EML3: variants seen among roughly 807,000 people sequenced by gnomAD.
The protein encoded by EML3 is echinoderm microtubule-associated protein-like 3.
A neutral mutation model predicts 106.7 loss-of-function variants in EML3; 53 were observed. The ratio of observed to expected loss-of-function variants is 0.50; its 90% CI spans 0.40 to 0.62. EML3 has a LOEUF of 0.62. Ranked by LOEUF, EML3 falls within the 20% of genes least tolerant of loss-of-function variation. EML3 has a pLI of 0.00. For synonymous variants in EML3, 499 were observed against 489.6 expected (o/e 1.02, Z -0.25); for missense variants, 994 against 1,209.1 (o/e 0.82, Z 2.64).
At chr11:62,608,415 G>GTT in intron 9 of EML3, 119 bp from the exon 10 acceptor site, 1 of 1,324,064 alleles carries the variant, frequency 7.6e-7, no homozygotes, top group Non-Finnish European at 1.1e-6. Flanking sequence ...GACACACATG[G>GTT]CCCTTTCTCA....
At chr11:62,603,023 G>GCC in intron 20 of EML3, 126 bp downstream of exon 20, 2 of 1,508,768 alleles carry the variant, frequency 1.3e-6, no homozygotes, top group Non-Finnish European at 1.8e-6. Context: ...GGTCCCGAGG[G>GCC]GCCTCCTGGG....
rs866158226 is a variant in EML3 at position 62,606,093 on chromosome 11, C to T, written c.1626G>A (p.Gly542=). Residue 542 remains glycine (G), a synonymous_variant, in exon 13 of 22, where the codon GGG becomes GGA. Transcript: ENST00000394773. ...GGRDRRLVQW[G]PGLVALQEAE... ...CCTCCTGGAGGGCCACCAACCCGGGCCCCCACTGTACCAGCCGGCGGTCCC... is the reference window on the plus strand; with the variant it reads ...CCTCCTGGAGGGCCACCAACCCGGGTCCCCACTGTACCAGCCGGCGGTCCC... The T allele has an allele frequency of 6.2e-7, 1 of 1,614,024 alleles. No individual in the cohort carries two copies. The highest frequency in any genetic ancestry group is 8.5e-7 in the Non-Finnish European group (1 of 1,180,030).
chr11:62,612,371 T>C lies in EML3; in HGVS notation c.22+65A>G, dbSNP rs1942875723. The C allele has an allele frequency of 4.8e-6, 7 of 1,468,194 alleles. No homozygotes were observed. In the Admixed American group the frequency reaches 1.3e-4, roughly 26 times the overall value. The allele number at this position is 1,468,194 out of a possible 1,614,324, so 90.9% of individuals were successfully genotyped here. On this transcript the variant is annotated intron_variant, in intron 1 of 21. Coordinates refer to ENST00000394773, the MANE Select transcript of EML3 (RefSeq NM_153265.3). The stretch of plus-strand genomic sequence containing the variant: ...ACGCCTCCAGACAGCCGTCCAGCTC[T>C]GGCATAACCCGACGAGCCGGGCGCT...
intron 6 of EML3, 107 bp from the exon 7 acceptor site, chr11:62,609,239 T>G: frequency 1.3e-6 from 2 of 1,563,150 alleles, no homozygotes; most frequent in Non-Finnish European, 1.7e-6. Flanking sequence ...AGAATGATGG[T>G]AGGAGAGGAT....
At chr11:62,611,049 C>G in intron 3 of EML3, 38 bp downstream of exon 3, 1 of 1,604,726 alleles carries the variant, frequency 6.2e-7, no homozygotes, top group Non-Finnish European at 8.5e-7. Context: ...ATCCTACCAC[C>G]CCTCCCAGCT....
At position 62,602,566 on chromosome 11, in the gene EML3, CA is replaced by C; in HGVS notation, c.2599del (p.Trp867GlyfsTer58). ...LGGKDASIFQWRVLGAGGAGP... is the reference protein window; with the variant it reads ...LGGKDASIFQXRVLGAGGAGP... ...CGCGCCCCCAGCGCCCAGCACTCGC[CA>C]CTGGAAGATGCTGGCGTCCTTGCCG... On this transcript the variant is annotated frameshift_variant, in exon 22 of 22. Transcript: ENST00000394773. LOFTEE classifies it high-confidence loss of function. 1 of 1,526,820 alleles carries C rather than the reference CA, an allele frequency of 6.5e-7. No individual in the cohort carries two copies. The highest frequency in any genetic ancestry group is 2.0e-5 in the Admixed American group (1 of 49,152). The allele number at this position is 1,526,820 out of a possible 1,614,324, so 94.6% of individuals were successfully genotyped here. A position where few individuals can be genotyped will look rare whatever the true frequency, so the allele number is the denominator to read the frequency against.
In EML3 at chr11:62,605,530, A is replaced by G. The variant is rs1269930826; in HGVS notation, c.1914+112T>C. ...TTTGAGTAGCCAGTGCAGCCATACC[A>G]GTACAAACTGGCCACCTCTGGGAGG... On this transcript the variant is annotated intron_variant, in intron 15 of 21. Coordinates refer to ENST00000394773, the MANE Select transcript of EML3 (RefSeq NM_153265.3). The surrounding 1 kb of genome is among the most constrained non-coding windows in gnomAD (Gnocchi z 5.2). 1 of 1,357,606 alleles carries G rather than the reference A, an allele frequency of 7.4e-7. No individual in the cohort carries two copies. The highest frequency in any genetic ancestry group is 9.9e-7 in the Non-Finnish European group (1 of 1,006,712). The allele number at this position is 1,357,606 out of a possible 1,614,324, so 84.1% of individuals were successfully genotyped here.
At chr11:62,610,489 G>C (rs549532920) in intron 4 of EML3, among the ~76,000 whole-genome samples, 14 of 152,202 alleles carry the variant, frequency 9.2e-5, no homozygotes, top group Non-Finnish European at 1.8e-4. Context: ...GAAGCTTCTA[G>C]AAAAGCCTCT....
At chr11:62,609,292 A>T in intron 6 of EML3, 62 bp downstream of exon 6, 1 of 1,540,304 alleles carries the variant, frequency 6.5e-7, no homozygotes, top group Non-Finnish European at 8.7e-7. Flanking sequence ...GGAAACTGTA[A>T]AGGTAAGAGG....
In EML3 at chr11:62,605,914, T is replaced by C. The variant is rs1225406930; in HGVS notation, c.1723A>G (p.Thr575Ala). 8 of 1,614,064 alleles carry C rather than the reference T, an allele frequency of 5.0e-6. No homozygotes were observed. The highest frequency in any genetic ancestry group is 5.9e-6 in the Non-Finnish European group (7 of 1,180,042). ...CCCCTCAGCAATGCATTCTTCGTGG[T>C]TCCCACCAGCAGCTCAGAGCCAAGC... Reference protein sequence around the residue: ...EGLGSELLVGTTKNALLRGDL... With the variant: ...EGLGSELLVGATKNALLRGDL... Residue 575 changes from threonine to alanine, a missense_variant, in exon 14 of 22, where the codon ACC becomes GCC. This residue lies in a region of EML3 where 713 missense variants were observed against 920.5 expected (regional missense o/e 0.77). Transcript: ENST00000394773. This position sits in a 1 kb window ranked among gnomAD's most constrained non-coding sequence, Gnocchi z 5.2.
intron 18 of EML3, 39 bp from the exon 19 acceptor site, chr11:62,603,855 A>C: frequency 1.2e-6 from 2 of 1,612,378 alleles, no homozygotes; most frequent in Non-Finnish European, 1.7e-6. Context: ...TATCCCATCC[A>C]TTTCCCATCC....
At chr11:62,604,885 T>C in intron 16 of EML3, 1 of 396,692 alleles carries the variant, frequency 2.5e-6, no homozygotes, top group Non-Finnish European at 4.6e-6. Flanking sequence ...TGCTGCCTCC[T>C]CCACTCCCAG....
chr11:62,605,878 G>C lies in EML3; in HGVS notation c.1759C>G (p.Gln587Glu). 1.2e-6 allele frequency: 2 copies of C among 1,614,198 alleles called. No individual in the cohort carries two copies. The highest frequency in any genetic ancestry group is 1.7e-6 in the Non-Finnish European group (2 of 1,180,032). ...ACCTGGATTACAGGGGAGAAGCCCT[G>C]GGCCAGGTCTCCCCTCAGCAATGCA... ...KNALLRGDLA[Q>E]GFSPVIQGHT... Residue 587 changes from glutamine to glutamate, a missense_variant, in exon 14 of 22, where the codon CAG (glutamine) becomes GAG (glutamate). Gln to Glu is a conservative substitution (Grantham distance 29). Transcript: ENST00000394773. This position sits in a 1 kb window ranked among gnomAD's most constrained non-coding sequence, Gnocchi z 5.2.
At chr11:62,607,251 C>T in intron 11 of EML3, 152 bp from the exon 12 acceptor site, 1 of 846,476 alleles carries the variant, frequency 1.2e-6, no homozygotes, top group African/African-American at 1.7e-5. Flanking sequence ...AGTTTGTGAC[C>T]AGCCTGGCCA....
At chr11:62,603,332 G>A (rs1942341086) in intron 19 of EML3, 85 bp from the exon 20 acceptor site, 1 of 1,316,328 alleles carries the variant, frequency 7.6e-7, no homozygotes, top group Non-Finnish European at 1.1e-6. Context: ...GGAAAGACTG[G>A]CATGAAACCC....
intron 16 of EML3, chr11:62,604,839 T>C (rs1942432735): frequency 6.7e-6 from 2 of 299,920 alleles, no homozygotes; most frequent in Admixed American, 9.5e-5. Context: ...TGTTTGTCTA[T>C]GCCCCTCCCA....
chr11:62,605,625 G>A lies in EML3; in HGVS notation c.1914+17C>T, dbSNP rs1296988809. 6 of 1,516,918 alleles carry A rather than the reference G, an allele frequency of 4.0e-6. No homozygotes were observed. The South Asian group carries it at 7.9e-5, about 20-fold the overall frequency. 94.0% of individuals were successfully genotyped at this position (1,516,918 alleles called of 1,614,324 possible). A position where few individuals can be genotyped will look rare whatever the true frequency, so the allele number is the denominator to read the frequency against. On this transcript the variant is annotated intron_variant, in intron 15 of 21. Transcript: ENST00000394773. The surrounding 1 kb of genome is among the most constrained non-coding windows in gnomAD (Gnocchi z 5.2). The stretch of plus-strand genomic sequence containing the variant: ...TGGTGGGTGTGGCATGGGGGATCCA[G>A]GGGCACAGGGCTCTACCTTGAGGTC...
In EML3 at chr11:62,611,243, G is replaced by T. The variant is rs762442811; in HGVS notation, c.296C>A (p.Pro99His). Residue 99 changes from proline to histidine, a missense_variant, in exon 3 of 22, where the codon CCC becomes CAC. Physicochemically the swap from Pro to His is moderately conservative, Grantham distance 77. This residue lies in a region of EML3 where 269 missense variants were observed against 265.1 expected (regional missense o/e 1.01). Transcript: ENST00000394773. ...TEVELKSSPG[P>H]PGLSNGPPAP... ...TGGGGGTCCATTGCTCAGGCCAGGG[G>T]GTCCAGGGGATGACTTGAGCTCCAC... 2 of 1,612,478 alleles carry T rather than the reference G, an allele frequency of 1.2e-6. No homozygotes were observed. The highest frequency in any genetic ancestry group is 1.7e-6 in the Non-Finnish European group (2 of 1,179,906).
chr11:62,603,671 C>G lies in EML3; in HGVS notation c.2257+58G>C, dbSNP rs1942364395. On this transcript the variant is annotated intron_variant, in intron 19 of 21. Transcript: ENST00000394773. ...TCTAACAACACCTCTAACAGCCCCC[C>G]CTACACAAAACCCACTCCAATTACC... 1.2e-5 allele frequency: 17 copies of G among 1,459,208 alleles called. No homozygotes were observed. The South Asian group carries it at 1.3e-4, about 11-fold the overall frequency. 90.4% of individuals were successfully genotyped at this position (1,459,208 alleles called of 1,614,324 possible).
Sources: gnomAD v4.1 joint callset for allele counts (sites outside exome capture counted in the v4.1 genomes callset) on GRCh38, gnomAD v4.1.1 for gene constraint, gnomAD v4.1.1 regional missense constraint, Gnocchi (gnomAD v3.1) non-coding constraint, MANE v1.5 for transcripts, NCBI Gene and HGNC (gene_info 2026-07-23, HGNC 2026-07-21) for gene names.